The following ADAMTS5 variants were observed in gnomAD, a reference collection of about 807,000 sequenced individuals.
ADAMTS5 encodes ADAM metallopeptidase with thrombospondin type 1 motif 5.
In ADAMTS5, 54 loss-of-function variants were observed where a neutral mutation model predicts 81.4. The ratio of observed to expected loss-of-function variants is 0.66; its 90% CI spans 0.53 to 0.83. The LOEUF is 0.83. Ranked by LOEUF, ADAMTS5 falls within the 40% of genes least tolerant of loss-of-function variation. ADAMTS5 has a pLI of 0.00. For missense variants in ADAMTS5, 1,194 were observed against 1,229.9 expected, an observed-to-expected ratio of 0.97 and a Z score of 0.44; for synonymous variants, 532 against 508.8, an observed-to-expected ratio of 1.05 and a Z score of -0.61.
rs551105975 is a variant in ADAMTS5 at position 26,932,288 on chromosome 21, T to A, written c.1874-109A>T. On this transcript the variant is annotated intron_variant, in intron 5 of 7. Transcript: ENST00000284987. ...GGGGAAGATGCAAACGTGTTTTTTT[T>A]ATCCCACAGTCTCTTTACTCACCAA... 5.7e-5 allele frequency: 66 copies of A among 1,164,858 alleles called. No homozygotes were observed. In the African/African-American group the frequency reaches 6.2e-4, roughly 11 times the overall value. The allele number at this position is 1,164,858 out of a possible 1,614,324, so 72.2% of individuals were successfully genotyped here.
At chr21:26,947,322 G>T (rs1412727107) in intron 2 of ADAMTS5, among the ~76,000 whole-genome samples, 3 of 152,166 alleles carry the variant, frequency 2.0e-5, no homozygotes, top group Non-Finnish European at 2.9e-5. Flanking sequence ...AACTGGGGAG[G>T]GGAGATAGAA....
chr21:26,946,010 T>G (rs572969414), intron 2 of ADAMTS5, among the ~76,000 whole-genome samples: 1 of 152,256 alleles, frequency 6.6e-6, no homozygotes, highest in South Asian at 2.1e-4. Context: ...GCCTGTCAGC[T>G]CTCTGGGAGA....
chr21:26,966,128 G>C lies in ADAMTS5; in HGVS notation c.264C>G (p.Gly88=), dbSNP rs750332986. ...TCCGGCCGCCCGCGTAGACGAGGTA[G>C]CCCACCTTGCCGCCGCCGGAGTAGA... is the stretch of plus-strand genomic sequence containing the variant. ...DQLYSGGGKV[G]YLVYAGGRRF... Residue 88 remains glycine, a synonymous_variant, in exon 1 of 8, where the codon GGC becomes GGG. Coordinates refer to ENST00000284987, the MANE Select transcript of ADAMTS5 (RefSeq NM_007038.5). 3 of 1,612,424 alleles carry C rather than the reference G, an allele frequency of 1.9e-6. No individual in the cohort carries two copies. Among genetic ancestry groups the C allele is most frequent in the South Asian group, 2.2e-5 (2 of 91,052 alleles).
intron 2 of ADAMTS5, among the ~76,000 whole-genome samples, chr21:26,947,289 A>G (rs1259522488): frequency 2.0e-5 from 3 of 152,194 alleles, no homozygotes; most frequent in Non-Finnish European, 1.5e-5. Context: ...TGACCTCTGT[A>G]TTTATATGCT....
Position 26,934,322 on chromosome 21 carries a change from AAAG to A in ADAMTS5, c.1689+141_1689+143del, listed in dbSNP as rs1986969411. The A allele has an allele frequency of 4.6e-6, 5 of 1,092,510 alleles. No homozygotes were observed. The African/African-American group carries it at 6.4e-5, about 14-fold the overall frequency. The allele number at this position is 1,092,510 out of a possible 1,614,324, so 67.7% of individuals were successfully genotyped here. A position where few individuals can be genotyped will look rare whatever the true frequency, so the allele number is the denominator to read the frequency against. On this transcript the variant is annotated intron_variant, in intron 4 of 7. Transcript: ENST00000284987. ...TCACTGAGAATGGCTACTGCGGGTAAAAGAAGAAGCTCTAAATAAACCTCAAAA... is the reference window on the plus strand; with the variant it reads ...TCACTGAGAATGGCTACTGCGGGTAAAAGAAGCTCTAAATAAACCTCAAAA...
Position 26,965,441 on chromosome 21 carries a change from C to A in ADAMTS5, c.951G>T (p.Lys317Asn), listed in dbSNP as rs764978163. ...TGTCCTTGTCGCCTAGCACCACCACCTTCACCACGGCCAGGCGGATGTGGT... is the reference window on the plus strand; with the variant it reads ...TGTCCTTGTCGCCTAGCACCACCACATTCACCACGGCCAGGCGGATGTGGT... ...IENHIRLAVVKVVVLGDKDKS... is the reference protein window; with the variant it reads ...IENHIRLAVVNVVVLGDKDKS... The change falls in exon 1 of 8, where the codon AAG (lysine) becomes AAT (asparagine). Residue 317 changes from lysine (K) to asparagine (N), a missense_variant. Around this residue, in one of 2 missense-constraint regions of ADAMTS5, gnomAD observed 696 missense variants for 817.6 expected, o/e 0.85. Coordinates refer to ENST00000284987, the MANE Select transcript of ADAMTS5 (RefSeq NM_007038.5). 29 of 1,614,278 alleles carry A rather than the reference C, an allele frequency of 1.8e-5. No individual in the cohort carries two copies. The highest frequency in any genetic ancestry group is 1.6e-4 in the Middle Eastern group (1 of 6,062).
In ADAMTS5 at chr21:26,954,726, A is replaced by C; in HGVS notation, c.1237+13T>G. On this transcript the variant is annotated intron_variant, in intron 2 of 7. Transcript: ENST00000284987. Reference sequence around the variant, plus strand: ...GTTTGATTTGGTGAGGGAAAAGAAAAGGCGCTGCATACCGATTTCGTGAGC... The same window carrying C: ...GTTTGATTTGGTGAGGGAAAAGAAACGGCGCTGCATACCGATTTCGTGAGC... 1 of 1,611,238 alleles carries C rather than the reference A, an allele frequency of 6.2e-7. No homozygotes were observed. The highest frequency in any genetic ancestry group is 1.1e-5 in the South Asian group (1 of 90,428).
intron 1 of ADAMTS5, among the ~76,000 whole-genome samples, chr21:26,961,680 C>G (rs989102463): frequency 6.6e-6 from 1 of 152,172 alleles, no homozygotes; most frequent in Non-Finnish European, 1.5e-5. Flanking sequence ...ATTAGAGCTG[C>G]TTAGTCTGCT....
intron 2 of ADAMTS5, among the ~76,000 whole-genome samples, chr21:26,947,736 G>T (rs548702781): frequency 6.6e-6 from 1 of 152,272 alleles, no homozygotes; most frequent in South Asian, 2.1e-4. Context: ...CGCCCGATCA[G>T]AACTGTATTT....
chr21:26,952,752 T>C (rs370799852), intron 2 of ADAMTS5, among the ~76,000 whole-genome samples: 13 of 152,256 alleles, frequency 8.5e-5, no homozygotes, highest in African/African-American at 3.1e-4. Flanking sequence ...TTTCTCCGCT[T>C]GACCTGTGAC....
intron 7 of ADAMTS5, 86 bp from the exon 8 acceptor site, chr21:26,924,706 C>T (rs1986775710): frequency 1.8e-6 from 2 of 1,112,456 alleles, no homozygotes; most frequent in African/African-American, 1.6e-5. Context: ...CAAATAAATA[C>T]ACAAACAGAA....
Position 26,966,921 on chromosome 21 carries a change from GAAGA to G in ADAMTS5, c.-534_-531del, listed in dbSNP as rs899966664. Reference sequence around the variant, plus strand: ...GGCTCTGCTGGGACCAGGAGGAAGGGAAGAAAGAGAGGGGAAAAAGCCGTAAAAA... The same window carrying G: ...GGCTCTGCTGGGACCAGGAGGAAGGGAAGAGAGGGGAAAAAGCCGTAAAAA... On this transcript the variant is annotated 5_prime_UTR_variant, in exon 1 of 8. The change abolishes the stop of an existing upstream ORF in the 5' untranslated region. Coordinates refer to ENST00000284987, the MANE Select transcript of ADAMTS5 (RefSeq NM_007038.5). Among the ~76,000 whole-genome samples the G allele has an allele frequency of 3.3e-5, 5 of 152,080 alleles. No homozygotes were observed. Among genetic ancestry groups the G allele is most frequent in the Non-Finnish European group, 7.4e-5 (5 of 68,022 alleles).
At chr21:26,932,247 A>T in intron 5 of ADAMTS5, 68 bp from the exon 6 acceptor site, 1 of 1,510,194 alleles carries the variant, frequency 6.6e-7, no homozygotes, top group Non-Finnish European at 8.9e-7. Context: ...TTGTGGGTTT[A>T]AATAGTTAAT....
rs377472990 is a variant in ADAMTS5, at chr21:26,923,250, T to TCACA, written c.*799_*802dup. 1 of 151,844 alleles carries TCACA rather than the reference T, an allele frequency of 6.6e-6. No homozygotes were observed. The highest frequency in any genetic ancestry group is 1.9e-4 in the East Asian group (1 of 5,188). 9.4% of individuals were successfully genotyped at this position (151,844 alleles called of 1,614,324 possible). A position where few individuals can be genotyped will look rare whatever the true frequency, so the allele number is the denominator to read the frequency against. On this transcript the variant is annotated 3_prime_UTR_variant, in exon 8 of 8. Transcript: ENST00000284987. ...CTAGTTTTTAGACTCTTGAGTATGA[T>TCACA]CACACACACACACGCAAACCCTACT... is the stretch of plus-strand genomic sequence containing the variant.
intron 1 of ADAMTS5, among the ~76,000 whole-genome samples, chr21:26,960,032 G>A (rs162503): frequency 0.21 from 31,880 of 151,944 alleles, 3,959 homozygotes; most frequent in Middle Eastern, 0.3. Flanking sequence ...GTACCTTCCT[G>A]CTCCATTCTG....
chr21:26,948,554 A>G (rs1987258845), intron 2 of ADAMTS5, among the ~76,000 whole-genome samples: 3 of 152,340 alleles, frequency 2.0e-5, no homozygotes, highest in African/African-American at 4.8e-5. Flanking sequence ...ATCAGAATCT[A>G]GAATCCTTGA....
In ADAMTS5 at chr21:26,966,177, C is replaced by T; in HGVS notation, c.215G>A (p.Gly72Glu). 1 of 1,605,752 alleles carries T rather than the reference C, an allele frequency of 6.2e-7. No homozygotes were observed. Among genetic ancestry groups the T allele is most frequent in the East Asian group, 2.2e-5 (1 of 44,778 alleles). Residue 72 changes from glycine to glutamate, a missense_variant, in exon 1 of 8, where the codon GGG becomes GAG. Physicochemically the swap from Gly to Glu is moderately conservative, Grantham distance 98 (BLOSUM62 -2). Around this residue, in one of 2 missense-constraint regions of ADAMTS5, gnomAD observed 498 missense variants for 412.3 expected, o/e 1.21. Coordinates refer to ENST00000284987, the MANE Select transcript of ADAMTS5 (RefSeq NM_007038.5). Reference sequence around the variant, plus strand: ...GAGTTGGTCGATGTTCTGCACCAGCCCCTTGCTCCTGCGCCGCTGCGCCAG... The same window carrying T: ...GAGTTGGTCGATGTTCTGCACCAGCTCCTTGCTCCTGCGCCGCTGCGCCAG... ...HPLAQRRRSK[G>E]LVQNIDQLYS...
In ADAMTS5 at chr21:26,965,735, G is replaced by C. The variant is rs755277128; in HGVS notation, c.657C>G (p.His219Gln). Residue 219 changes from histidine to glutamine, a missense_variant, in exon 1 of 8, where the codon CAC becomes CAG. Physicochemically the swap from His to Gln is conservative, Grantham distance 24. This residue lies in a region of ADAMTS5 where 498 missense variants were observed against 412.3 expected (regional missense o/e 1.21). Coordinates refer to ENST00000284987, the MANE Select transcript of ADAMTS5 (RefSeq NM_007038.5). ...CETPASTPEAHEHAPAHSNPS... is the reference protein window; with the variant it reads ...CETPASTPEAQEHAPAHSNPS... ...GGTTGCTGTGCGCCGGAGCATGCTC[G>C]TGGGCCTCCGGTGTGGACGCGGGGG... The C allele has an allele frequency of 1.8e-5, 28 of 1,593,348 alleles. No homozygotes were observed. The highest frequency in any genetic ancestry group is 2.3e-5 in the Non-Finnish European group (27 of 1,171,176).
chr21:26,950,877 T>TG lies in ADAMTS5; in HGVS notation c.1237+3861dup, dbSNP rs558698739. On this transcript the variant is annotated intron_variant, in intron 2 of 7. Coordinates refer to ENST00000284987, the MANE Select transcript of ADAMTS5 (RefSeq NM_007038.5). ...TATCAAGGTAAGATTTTTTTTTAGG[T>TG]GGGGGGCTCACTCTGTCACCCAGGC... 1.0e-3 allele frequency among the ~76,000 whole-genome samples: 159 copies of TG among 151,868 alleles called. 1 individual carries two copies. Among genetic ancestry groups the TG allele is most frequent in the Middle Eastern group, 3.4e-3 (1 of 294 alleles).
Sources: allele counts gnomAD v4.1 joint callset (sites outside exome capture counted in the v4.1 genomes callset), GRCh38; gene constraint gnomAD v4.1.1; regional missense constraint gnomAD v4.1.1; transcripts MANE v1.5; gene names NCBI Gene and HGNC (gene_info 2026-07-23, HGNC 2026-07-21).